The following STYX variants were observed in gnomAD, a reference collection of about 807,000 sequenced individuals.
The protein encoded by STYX is serine/threonine/tyrosine interacting protein.
In STYX, 20 loss-of-function variants were observed where a neutral mutation model predicts 42.7. That is an observed-to-expected ratio of 0.47 (90% confidence interval 0.33 to 0.68). STYX has a LOEUF of 0.68. STYX is among the 30% of genes least tolerant of loss of function. The pLI, the probability that STYX is intolerant of heterozygous loss-of-function variation, is 0.02. For missense variants in STYX, 226 were observed against 268.5 expected (o/e 0.84, Z 1.11); for synonymous variants, 78 against 81.9 (o/e 0.95, Z 0.26).
intron 1 of STYX, among the ~76,000 whole-genome samples, chr14:52,744,339 A>G (rs555555384): frequency 5.9e-5 from 9 of 152,372 alleles, no homozygotes; most frequent in African/African-American, 1.7e-4. Context: ...GATGAAGGAA[A>G]GGCTCTTTGA....
chr14:52,741,878 T>G (rs991756036), intron 1 of STYX, among the ~76,000 whole-genome samples: 1 of 152,238 alleles, frequency 6.6e-6, no homozygotes, highest in East Asian at 1.9e-4. Context: ...GCTTATAATA[T>G]CTGCAGTTTT....
At chr14:52,734,734 C>T (rs1037521777) in intron 1 of STYX, among the ~76,000 whole-genome samples, 1 of 152,140 alleles carries the variant, frequency 6.6e-6, no homozygotes, top group African/African-American at 2.4e-5. Context: ...CTTTTGGTTG[C>T]AAGCAACAAA....
At chr14:52,749,771 T>G (rs1364731201) in intron 3 of STYX, among the ~76,000 whole-genome samples, 1 of 152,244 alleles carries the variant, frequency 6.6e-6, no homozygotes, top group Non-Finnish European at 1.5e-5. Context: ...CCAAAAGCAC[T>G]ACAGGTTGAG....
At chr14:52,730,889 C>A (rs879675879) in intron 1 of STYX, among the ~76,000 whole-genome samples, 1 of 152,184 alleles carries the variant, frequency 6.6e-6, no homozygotes, top group Non-Finnish European at 1.5e-5. Flanking sequence ...GTGGTGTAAA[C>A]GATTCACTTG....
intron 4 of STYX, among the ~76,000 whole-genome samples, chr14:52,754,878 T>C (rs1044407890): frequency 6.6e-6 from 1 of 152,230 alleles, no homozygotes; most frequent in African/African-American, 2.4e-5. Context: ...CCTTAAACTT[T>C]TACAATACTA....
chr14:52,764,932 G>T (rs1323682129), intron 9 of STYX, among the ~76,000 whole-genome samples: 1 of 152,114 alleles, frequency 6.6e-6, no homozygotes, highest in Admixed American at 6.5e-5. Context: ...GCATCCCGAA[G>T]TGCTGGGATT....
chr14:52,732,707 G>A (rs1880783663), intron 1 of STYX, among the ~76,000 whole-genome samples: 1 of 151,814 alleles, frequency 6.6e-6, no homozygotes, highest in Non-Finnish European at 1.5e-5. Flanking sequence ...TTTCACTCTT[G>A]TTGCCCAGGC....
At chr14:52,753,682 G>A (rs898868882) in intron 4 of STYX, among the ~76,000 whole-genome samples, 1 of 152,072 alleles carries the variant, frequency 6.6e-6, no homozygotes, top group African/African-American at 2.4e-5. Context: ...TGTAAGTGCT[G>A]TGTGAATAGT....
chr14:52,741,228 A>AT (rs200620004), intron 1 of STYX, among the ~76,000 whole-genome samples: 48,135 of 125,368 alleles, frequency 0.38, 8,383 homozygotes, highest in Middle Eastern at 0.46. Context: ...ATATATATAT[A>AT]TATTTTTTTT....
chr14:52,755,501 GT>G (rs943276907), intron 4 of STYX, among the ~76,000 whole-genome samples: 4 of 152,180 alleles, frequency 2.6e-5, no homozygotes, highest in Non-Finnish European at 5.9e-5. Context: ...GTATTTTTTA[GT>G]GCAAAATTGT....
intron 4 of STYX, among the ~76,000 whole-genome samples, chr14:52,751,799 A>C (rs180700375): frequency 6.6e-6 from 1 of 152,260 alleles, no homozygotes; most frequent in Admixed American, 6.5e-5. Context: ...TTTTCTCTTA[A>C]CCCAAGCCAC....
At chr14:52,741,789 TG>T (rs1401684424) in intron 1 of STYX, among the ~76,000 whole-genome samples, 3 of 152,222 alleles carry the variant, frequency 2.0e-5, no homozygotes, top group African/African-American at 7.2e-5. Context: ...ACATATTCTG[TG>T]TTTTTAAAAA....
intron 8 of STYX, among the ~76,000 whole-genome samples, chr14:52,758,698 C>T (rs1594878332): frequency 6.6e-6 from 1 of 152,270 alleles, no homozygotes; most frequent in African/African-American, 2.4e-5. Flanking sequence ...GCCTCAGCCT[C>T]CCTAGTAGCT....
chr14:52,740,285 A>G (rs915308403), intron 1 of STYX, among the ~76,000 whole-genome samples: 3 of 152,240 alleles, frequency 2.0e-5, no homozygotes, highest in African/African-American at 7.2e-5. Context: ...CGTCTCAAAA[A>G]GAAAAAAAAA....
intron 10 of STYX, among the ~76,000 whole-genome samples, chr14:52,769,485 A>T (rs1165772121): frequency 1.3e-5 from 2 of 152,108 alleles, no homozygotes; most frequent in Non-Finnish European, 2.9e-5. Flanking sequence ...CAACAGTTAT[A>T]TAAGGTAGTA....
chr14:52,748,653 G>A (rs1172155274), intron 3 of STYX, among the ~76,000 whole-genome samples: 3 of 152,094 alleles, frequency 2.0e-5, no homozygotes, highest in Non-Finnish European at 2.9e-5. Flanking sequence ...TCGCTGTTAC[G>A]TTAGGGCTCT....
intron 1 of STYX, among the ~76,000 whole-genome samples, chr14:52,740,610 G>A (rs946781868): frequency 1.3e-5 from 2 of 151,944 alleles, no homozygotes; most frequent in African/African-American, 2.4e-5. Context: ...ATATTTTTCC[G>A]AGCATATATT....
chr14:52,767,980 C>CA (rs913932735), intron 9 of STYX, among the ~76,000 whole-genome samples: 3 of 151,984 alleles, frequency 2.0e-5, no homozygotes, highest in Non-Finnish European at 4.4e-5. Flanking sequence ...CTGCTGCTTG[C>CA]AAAAAATGGC....
At chr14:52,760,445 A>G (rs143030156) in intron 9 of STYX, among the ~76,000 whole-genome samples, 48 of 152,270 alleles carry the variant, frequency 3.2e-4, no homozygotes, top group Non-Finnish European at 2.6e-4. Context: ...TGCCTGGCAG[A>G]TGCACTGACA....
Sources: allele counts gnomAD v4.1 joint callset (sites outside exome capture counted in the v4.1 genomes callset), GRCh38; gene constraint gnomAD v4.1.1; transcripts MANE v1.5; gene names NCBI Gene and HGNC (gene_info 2026-07-23, HGNC 2026-07-21).